TMEM260: variants seen among roughly 807,000 people sequenced by gnomAD.
The protein encoded by TMEM260 is transmembrane protein 260.
A neutral mutation model predicts 88.9 loss-of-function variants in TMEM260; 82 were observed. The observed-to-expected ratio is 0.92, with a 90% CI of 0.77 to 1.11. The LOEUF (loss-of-function observed/expected upper bound fraction) is 1.11, where lower values mean the gene tolerates loss of function less well. Among genes scored for constraint, TMEM260 ranks in the 50% least tolerant of loss-of-function variants. The probability of loss-of-function intolerance (pLI) is 0.00; values close to 1 mark genes in which losing one functional copy is unlikely to be tolerated. For missense variants in TMEM260, 902 were observed against 853.4 expected (o/e 1.06, Z -0.71); for synonymous variants, 314 against 309.3 (o/e 1.02, Z -0.16).
At chr14:56,589,773 T>C (rs1885737352) in intron 3 of TMEM260, among the ~76,000 whole-genome samples, 1 of 152,230 alleles carries the variant, frequency 6.6e-6, no homozygotes, top group African/African-American at 2.4e-5. Context: ...GTGTTGCTGC[T>C]AAAAATTAAT....
At chr14:56,605,420 G>T in intron 4 of TMEM260, 150 bp from the exon 5 acceptor site, 1 of 418,976 alleles carries the variant, frequency 2.4e-6, no homozygotes. Flanking sequence ...AAATATGAAT[G>T]ATTATTAAAA....
intron 7 of TMEM260, 142 bp downstream of exon 7, chr14:56,612,427 G>A: frequency 1.4e-6 from 1 of 714,904 alleles, no homozygotes; most frequent in Non-Finnish European, 2.4e-6. Flanking sequence ...ACAGTTGTTT[G>A]TGTTTACAGT....
chr14:56,636,335 G>A (rs1889068466), intron 14 of TMEM260, among the ~76,000 whole-genome samples, 173 bp from the exon 15 acceptor site: 1 of 152,096 alleles, frequency 6.6e-6, no homozygotes, highest in African/African-American at 2.4e-5. Context: ...GTGGGTGGGT[G>A]GAGGGATTGT....
intron 15 of TMEM260, among the ~76,000 whole-genome samples, chr14:56,644,759 G>C (rs1279949821): frequency 6.6e-6 from 1 of 151,842 alleles, no homozygotes; most frequent in Non-Finnish European, 1.5e-5. Context: ...CTCGACAAAG[G>C]GCTAATATCC....
At chr14:56,630,622 A>G (rs1253123843) in intron 12 of TMEM260, among the ~76,000 whole-genome samples, 1 of 151,830 alleles carries the variant, frequency 6.6e-6, no homozygotes, top group Non-Finnish European at 1.5e-5. Context: ...TTCTTGATGC[A>G]TGCTTATAAT....
intron 15 of TMEM260, chr14:56,638,350 T>C (rs1430007901): frequency 2.0e-5 from 3 of 152,126 alleles, no homozygotes; most frequent in Admixed American, 2.0e-4. Flanking sequence ...GCTTTAAACT[T>C]GAAAAGATCT....
At chr14:56,661,074 G>A in the TMEM260 span, among the ~76,000 whole-genome samples, 1 of 152,216 alleles carries the variant, frequency 6.6e-6, no homozygotes, top group Non-Finnish European at 1.5e-5. Context: ...AGACAACCAT[G>A]CTAAAGAAAA....
intron 15 of TMEM260, among the ~76,000 whole-genome samples, chr14:56,645,329 T>A (rs1386221865): frequency 6.6e-6 from 1 of 152,030 alleles, no homozygotes. Flanking sequence ...AATGATGAGT[T>A]CATGTCCTTT....
Position 56,630,427 on chromosome 14 carries a change from CTT to C in TMEM260, c.1548-2566_1548-2565del, listed in dbSNP as rs112346663. Among the ~76,000 whole-genome samples the C allele has an allele frequency of 1.8e-3, 277 of 151,948 alleles. 1 individual carries two copies. The highest frequency in any genetic ancestry group is 6.4e-3 in the African/African-American group (264 of 41,462). Reference sequence around the variant, plus strand: ...GTATTGTCCCACAGATGCCTGAACTCTTTGCTTTTTTTTCAGTGTTTTTCTTT... The same window carrying C: ...GTATTGTCCCACAGATGCCTGAACTCTGCTTTTTTTTCAGTGTTTTTCTTT... On this transcript the variant is annotated intron_variant, in intron 12 of 15. Transcript: ENST00000261556.
the TMEM260 span, among the ~76,000 whole-genome samples, chr14:56,657,514 G>A: frequency 2.0e-5 from 3 of 152,016 alleles, no homozygotes; most frequent in South Asian, 2.1e-4. Flanking sequence ...TGAATACGAC[G>A]TTTTCAGAGG....
chr14:56,655,319 G>A (rs1463903237), downstream of TMEM260, among the ~76,000 whole-genome samples: 1 of 151,876 alleles, frequency 6.6e-6, no homozygotes, highest in Non-Finnish European at 1.5e-5. Context: ...AAACCCGGGA[G>A]GCGGAGGCTG....
At chr14:56,613,482 G>T (rs1048078034) in intron 7 of TMEM260, 2 of 152,072 alleles carry the variant, frequency 1.3e-5, no homozygotes, top group Non-Finnish European at 2.9e-5. Flanking sequence ...AACATGCAGA[G>T]ATAACCACTG....
rs61732702 is a variant in TMEM260, at chr14:56,609,137, G to T, written c.668G>T (p.Ser223Ile). 5.0e-4 allele frequency: 800 copies of T among 1,614,124 alleles called. 7 individuals are homozygous for T. In the African/African-American group the frequency reaches 8.9e-3, roughly 18 times the overall value. Reference protein sequence around the residue: ...ELSLGSLLKLSLYFSAGLLPY... With the variant: ...ELSLGSLLKLILYFSAGLLPY... ...TCCCTGGGCTCTTTGTTGAAGTTGA[G>T]CCTGTACTTCTCTGCTGGTTTGCTG... Residue 223 changes from serine (S) to isoleucine (I), a missense_variant, in exon 6 of 16, where the codon AGC becomes ATC. By Grantham distance (142) the Ser-to-Ile change is moderately radical. Coordinates refer to ENST00000261556, the MANE Select transcript of TMEM260 (RefSeq NM_017799.4).
chr14:56,601,736 A>T (rs927635965), intron 3 of TMEM260, among the ~76,000 whole-genome samples: 1 of 152,082 alleles, frequency 6.6e-6, no homozygotes, highest in African/African-American at 2.4e-5. Flanking sequence ...ATGGTTTCTT[A>T]TGAATTAAGT....
chr14:56,598,145 A>G (rs925645468), intron 3 of TMEM260, among the ~76,000 whole-genome samples: 9 of 152,220 alleles, frequency 5.9e-5, no homozygotes, highest in South Asian at 2.1e-4. Context: ...CTAGCCACCT[A>G]GAGTGTGTAG....
Position 56,633,172 on chromosome 14 carries a change from G to A in TMEM260, c.1724+1G>A, listed in dbSNP as rs1264696979. The A allele has an allele frequency of 6.2e-7, 1 of 1,608,022 alleles. No homozygotes were observed. The highest frequency in any genetic ancestry group is 1.3e-5 in the African/African-American group (1 of 74,820). The stretch of plus-strand genomic sequence containing the variant: ...ATAACTGGACCGAAGAATATGGAAG[G>A]TATGAACAGCAGTTGTATTTTGATG... On this transcript the variant is annotated splice_donor_variant, in intron 13 of 15. Coordinates refer to ENST00000261556, the MANE Select transcript of TMEM260 (RefSeq NM_017799.4). LOFTEE classifies it high-confidence loss of function.
chr14:56,599,620 G>C (rs903176616), intron 3 of TMEM260, among the ~76,000 whole-genome samples: 4 of 152,164 alleles, frequency 2.6e-5, no homozygotes, highest in Non-Finnish European at 5.9e-5. Flanking sequence ...TAGCAGAGGA[G>C]TCTTCTTATA....
intron 3 of TMEM260, among the ~76,000 whole-genome samples, chr14:56,586,698 T>C (rs1447663118): frequency 6.6e-6 from 1 of 152,122 alleles, no homozygotes; most frequent in East Asian, 1.9e-4. Flanking sequence ...AAACAAATGA[T>C]TTCTGTAGGT....
At chr14:56,662,858 C>A in the TMEM260 span, among the ~76,000 whole-genome samples, 1 of 152,168 alleles carries the variant, frequency 6.6e-6, no homozygotes, top group Non-Finnish European at 1.5e-5. Context: ...GCCGGGCACC[C>A]TGGCTACGCC....
Sources: allele counts gnomAD v4.1 joint callset (sites outside exome capture counted in the v4.1 genomes callset), GRCh38; gene constraint gnomAD v4.1.1; transcripts MANE v1.5; gene names NCBI Gene and HGNC (gene_info 2026-07-23, HGNC 2026-07-21).